The following GNAO1 variants were observed in gnomAD, a reference collection of about 807,000 sequenced individuals.
The protein encoded by GNAO1 is guanine nucleotide-binding protein G(o) subunit alpha.
For synonymous variants in GNAO1, 164 were observed against 180.7 expected, an observed-to-expected ratio of 0.91 and a Z score of 0.74; for missense variants, 166 against 478.7, an observed-to-expected ratio of 0.35 and a Z score of 6.10.
intron 2 of GNAO1, among the ~76,000 whole-genome samples, chr16:56,228,406 AGTGT>A (rs1156230048): frequency 1.3e-4 from 20 of 150,912 alleles, no homozygotes; most frequent in African/African-American, 3.7e-4. Flanking sequence ...TATATATGTG[AGTGT>A]GTGTGTGTAT....
chr16:56,341,968 G>A (rs1284843591), intron 6 of GNAO1, among the ~76,000 whole-genome samples: 2 of 152,220 alleles, frequency 1.3e-5, no homozygotes, highest in Admixed American at 6.5e-5. Context: ...TTGGGGCCAG[G>A]CAAGCAGCAC....
intron 2 of GNAO1, among the ~76,000 whole-genome samples, chr16:56,274,884 T>C (rs983179416): frequency 3.3e-5 from 5 of 152,238 alleles, no homozygotes; most frequent in Non-Finnish European, 7.3e-5. Flanking sequence ...CATTGAATTG[T>C]ATACTTTAAG....
intron 3 of GNAO1, among the ~76,000 whole-genome samples, chr16:56,300,099 G>A (rs1596851150): frequency 6.6e-6 from 1 of 151,806 alleles, no homozygotes; most frequent in East Asian, 1.9e-4. Flanking sequence ...GTAGCTGGAT[G>A]TGTAGTTCCT....
intron 3 of GNAO1, among the ~76,000 whole-genome samples, chr16:56,320,621 G>A (rs576779162): frequency 3.3e-5 from 5 of 152,218 alleles, no homozygotes; most frequent in Non-Finnish European, 5.9e-5. Context: ...CGAAGGGTGT[G>A]GGGTGGCAAG....
At chr16:56,305,712 G>A (rs1381341069) in intron 3 of GNAO1, among the ~76,000 whole-genome samples, 2 of 152,154 alleles carry the variant, frequency 1.3e-5, no homozygotes, top group Non-Finnish European at 2.9e-5. Flanking sequence ...GTTTCCCAGG[G>A]CCGTCATAAC....
At chr16:56,225,458 G>A (rs1313567679) in intron 2 of GNAO1, among the ~76,000 whole-genome samples, 2 of 152,196 alleles carry the variant, frequency 1.3e-5, no homozygotes, top group African/African-American at 2.4e-5. Flanking sequence ...TTGGGAGGTG[G>A]TGACTCTCCC....
At chr16:56,245,354 GCT>G (rs1375049941) in intron 2 of GNAO1, among the ~76,000 whole-genome samples, 2 of 152,178 alleles carry the variant, frequency 1.3e-5, no homozygotes, top group African/African-American at 4.8e-5. Flanking sequence ...ATTCAGCTTG[GCT>G]GGGGTAACGC....
chr16:56,318,418 G>C (rs1416852827), intron 3 of GNAO1, among the ~76,000 whole-genome samples: 2 of 152,222 alleles, frequency 1.3e-5, no homozygotes, highest in Admixed American at 1.3e-4. Context: ...CGCCGGGCCC[G>C]GCCCTGCAAT....
At chr16:56,260,579 A>AGGG (rs1385511463) in intron 2 of GNAO1, among the ~76,000 whole-genome samples, 1 of 152,144 alleles carries the variant, frequency 6.6e-6, no homozygotes, top group East Asian at 1.9e-4. Context: ...GGCTCTCCAC[A>AGGG]GGGTCTGCCA....
intron 2 of GNAO1, among the ~76,000 whole-genome samples, chr16:56,214,593 TGG>T (rs1402172123): frequency 1.3e-5 from 2 of 152,240 alleles, no homozygotes; most frequent in African/African-American, 4.8e-5. Flanking sequence ...AAAAATCATG[TGG>T]GTGGCACAAA....
chr16:56,206,786 C>T (rs2143317722), intron 2 of GNAO1, among the ~76,000 whole-genome samples: 1 of 152,284 alleles, frequency 6.6e-6, no homozygotes, highest in Admixed American at 6.5e-5. Flanking sequence ...GTGGAAGGTA[C>T]ATGGCAGGGA....
At chr16:56,281,566 C>T (rs1416623872) in intron 3 of GNAO1, among the ~76,000 whole-genome samples, 1 of 151,870 alleles carries the variant, frequency 6.6e-6, no homozygotes, top group Non-Finnish European at 1.5e-5. Context: ...TTTCCTCTGT[C>T]CTCCTCCCTC....
intron 3 of GNAO1, among the ~76,000 whole-genome samples, chr16:56,316,137 C>T (rs1190589535): frequency 2.6e-5 from 4 of 152,042 alleles, no homozygotes; most frequent in African/African-American, 9.7e-5. Context: ...CCACTAGCTC[C>T]CCTAGGGCCC....
chr16:56,344,164 CT>C, intron 6 of GNAO1: 1 of 1,432,710 alleles, frequency 7.0e-7, no homozygotes, highest in Non-Finnish European at 9.1e-7. Context: ...TGAGTGCATG[CT>C]GCAAGGCCAG....
intron 6 of GNAO1, chr16:56,347,759 C>CAA: frequency 1.1e-6 from 1 of 876,198 alleles, no homozygotes; most frequent in Non-Finnish European, 1.4e-6. Flanking sequence ...CTCCCCTTCC[C>CAA]TCCCCACCCC....
chr16:56,302,242 C>G (rs926437180), intron 3 of GNAO1: 1 of 152,222 alleles, frequency 6.6e-6, no homozygotes, highest in Non-Finnish European at 1.5e-5. Flanking sequence ...TGAAGGGTTT[C>G]GACACACCCC....
chr16:56,335,936 T>C (rs1267392567), intron 5 of GNAO1, among the ~76,000 whole-genome samples: 1 of 152,174 alleles, frequency 6.6e-6, no homozygotes, highest in Admixed American at 6.5e-5. Flanking sequence ...CTGCCTGCAG[T>C]CACTCCGTTG....
rs147415653 is a variant in GNAO1, at chr16:56,333,385, C to T, written c.465-1344C>T. Among the ~76,000 whole-genome samples the T allele has an allele frequency of 5.9e-3, 894 of 152,036 alleles. 9 individuals carry two copies. Among genetic ancestry groups the T allele is most frequent in the African/African-American group, 0.021 (859 of 41,484 alleles). Reference sequence around the variant, plus strand: ...TGCCACCAGGCCCAGCTAATTTTTGCATTTTTAGTAGAGATGGGGTTTCAC... The same window carrying T: ...TGCCACCAGGCCCAGCTAATTTTTGTATTTTTAGTAGAGATGGGGTTTCAC... On this transcript the variant is annotated intron_variant, in intron 4 of 8. Transcript: ENST00000262493.
At chr16:56,320,687 G>A (rs1463585369) in intron 3 of GNAO1, among the ~76,000 whole-genome samples, 1 of 152,122 alleles carries the variant, frequency 6.6e-6, no homozygotes, top group Non-Finnish European at 1.5e-5. Flanking sequence ...TGATGAGGTG[G>A]GGGCATTCTG....
Sources: allele counts gnomAD v4.1 joint callset (sites outside exome capture counted in the v4.1 genomes callset), GRCh38; gene constraint gnomAD v4.1.1; transcripts MANE v1.5; gene names NCBI Gene and HGNC (gene_info 2026-07-23, HGNC 2026-07-21).